HS6ST3: variants seen among roughly 807,000 people sequenced by gnomAD.
HS6ST3 encodes heparan sulfate 6-O-sulfotransferase 3, also known as heparan-sulfate 6-O-sulfotransferase 3.
A neutral mutation model predicts 36.7 loss-of-function variants in HS6ST3; 12 were observed. The observed-to-expected ratio is 0.33, with a 90% confidence interval of 0.21 to 0.53. The LOEUF (loss-of-function observed/expected upper bound fraction) is 0.53, where lower values mean the gene tolerates loss of function less well. Ranked by LOEUF, HS6ST3 falls within the 20% of genes least tolerant of loss-of-function variation. The pLI, the probability that HS6ST3 is intolerant of heterozygous loss-of-function variation, is 0.95. For synonymous variants in HS6ST3, 240 were observed against 257.5 expected (o/e 0.93, Z 0.65); for missense variants, 584 against 640.9 (o/e 0.91, Z 0.96).
intron 1 of HS6ST3, among the ~76,000 whole-genome samples, chr13:96,721,801 A>C (rs1050757896): frequency 6.6e-6 from 1 of 152,226 alleles, no homozygotes; most frequent in African/African-American, 2.4e-5. Flanking sequence ...AAGCTCATTA[A>C]AATTACTGCA....
chr13:96,458,653 A>T (rs2055766230), intron 1 of HS6ST3, among the ~76,000 whole-genome samples: 2 of 152,098 alleles, frequency 1.3e-5, no homozygotes, highest in South Asian at 2.1e-4. Context: ...AAAAAAAAAA[A>T]GAATGGTCTT....
chr13:96,199,298 C>A (rs1273942327), intron 1 of HS6ST3, among the ~76,000 whole-genome samples: 1 of 152,100 alleles, frequency 6.6e-6, no homozygotes, highest in African/African-American at 2.4e-5. Context: ...AGGGCTTTGG[C>A]AACATGCAAT....
chr13:96,272,264 C>G (rs567975504), intron 1 of HS6ST3, among the ~76,000 whole-genome samples: 1 of 152,074 alleles, frequency 6.6e-6, no homozygotes, highest in South Asian at 2.1e-4. Context: ...GTAGTGAGGT[C>G]TCTAGACTGG....
At chr13:96,623,323 G>A (rs1399427234) in intron 1 of HS6ST3, among the ~76,000 whole-genome samples, 2 of 152,084 alleles carry the variant, frequency 1.3e-5, no homozygotes, top group African/African-American at 4.8e-5. Context: ...CCCTGTGCTG[G>A]GGGGCACTGG....
intron 1 of HS6ST3, among the ~76,000 whole-genome samples, chr13:96,661,919 G>A (rs2056647762): frequency 6.6e-6 from 1 of 152,074 alleles, no homozygotes; most frequent in South Asian, 2.1e-4. Context: ...TTGAAAATAG[G>A]ATGCCAATTC....
chr13:96,098,312 C>T (rs1174960279), intron 1 of HS6ST3, among the ~76,000 whole-genome samples: 3 of 152,094 alleles, frequency 2.0e-5, no homozygotes, highest in African/African-American at 7.2e-5. Context: ...ATTAATATAA[C>T]CTCTGGTTTA....
At chr13:96,642,381 C>T (rs1469742100) in intron 1 of HS6ST3, among the ~76,000 whole-genome samples, 1 of 151,822 alleles carries the variant, frequency 6.6e-6, no homozygotes, top group Non-Finnish European at 1.5e-5. Flanking sequence ...TTGAATTTAT[C>T]ATACATGGAG....
At chr13:96,498,355 A>G (rs772825714) in intron 1 of HS6ST3, among the ~76,000 whole-genome samples, 50 of 152,134 alleles carry the variant, frequency 3.3e-4, no homozygotes, top group Non-Finnish European at 6.6e-4. Context: ...GGAGGTCAGA[A>G]AGACCTTGAG....
At chr13:96,807,127 C>T (rs142612761) in intron 1 of HS6ST3, among the ~76,000 whole-genome samples, 5 of 152,272 alleles carry the variant, frequency 3.3e-5, no homozygotes, top group African/African-American at 9.6e-5. Flanking sequence ...CTGAAGAATA[C>T]GGGAGCTGAA....
At chr13:96,265,901 G>T (rs2054689770) in intron 1 of HS6ST3, among the ~76,000 whole-genome samples, 1 of 152,120 alleles carries the variant, frequency 6.6e-6, no homozygotes, top group Admixed American at 6.5e-5. Flanking sequence ...AGTCTGTGAG[G>T]AATATTGGGT....
rs75317756 is a variant in HS6ST3 at position 96,322,400 on chromosome 13, A to C, written c.707+230831A>C. Among the ~76,000 whole-genome samples the C allele has an allele frequency of 7.3e-4, 103 of 140,590 alleles. 2 individuals carry two copies. Among genetic ancestry groups the C allele is most frequent in the African/African-American group, 2.6e-3 (99 of 37,768 alleles). 92.2% of individuals were successfully genotyped at this position (140,590 alleles called of 152,430 possible). A position where few individuals can be genotyped will look rare whatever the true frequency, so the allele number is the denominator to read the frequency against. ...TCTCTCCAGAAAAAAAAAAAAAAAA[A>C]ACAAGCATTATCCAGGTGTGGTGGT... On this transcript the variant is annotated intron_variant, in intron 1 of 1. Transcript: ENST00000376705.
intron 1 of HS6ST3, among the ~76,000 whole-genome samples, chr13:96,584,443 C>T (rs551052101): frequency 6.6e-6 from 1 of 152,268 alleles, no homozygotes; most frequent in Non-Finnish European, 1.5e-5. Flanking sequence ...CACACCTAGC[C>T]TCAACATCTC....
chr13:96,819,261 C>A (rs1370326022), intron 1 of HS6ST3, among the ~76,000 whole-genome samples: 1 of 152,136 alleles, frequency 6.6e-6, no homozygotes, highest in Non-Finnish European at 1.5e-5. Flanking sequence ...ACATCAGTGG[C>A]CACTGCCATC....
chr13:96,737,812 C>T (rs1223354632), intron 1 of HS6ST3, among the ~76,000 whole-genome samples: 6 of 152,038 alleles, frequency 3.9e-5, no homozygotes, highest in Non-Finnish European at 8.8e-5. Flanking sequence ...TCTTGCCTTT[C>T]CAGGTTCTAG....
intron 1 of HS6ST3, among the ~76,000 whole-genome samples, chr13:96,212,542 G>T (rs953763040): frequency 6.6e-6 from 1 of 152,092 alleles, no homozygotes; most frequent in Non-Finnish European, 1.5e-5. Context: ...AATGCATTCC[G>T]GTTTGAAAGT....
chr13:96,796,086 C>A (rs571520707), intron 1 of HS6ST3, among the ~76,000 whole-genome samples: 3 of 152,098 alleles, frequency 2.0e-5, no homozygotes, highest in Non-Finnish European at 4.4e-5. Flanking sequence ...ATGTCTGTTA[C>A]CTTTCAGAAG....
intron 1 of HS6ST3, among the ~76,000 whole-genome samples, chr13:96,253,859 A>T (rs890918759): frequency 1.3e-5 from 2 of 152,184 alleles, no homozygotes; most frequent in Non-Finnish European, 2.9e-5. Flanking sequence ...CCATTAATTT[A>T]TCTTGTCATT....
intron 1 of HS6ST3, among the ~76,000 whole-genome samples, chr13:96,325,575 A>T (rs1233741606): frequency 1.3e-5 from 2 of 152,162 alleles, no homozygotes; most frequent in Admixed American, 6.5e-5. Flanking sequence ...ATATGGAAGG[A>T]TGTGTGTAGA....
intron 1 of HS6ST3, among the ~76,000 whole-genome samples, chr13:96,284,965 T>TTC (rs1422452535): frequency 2.1e-5 from 3 of 144,152 alleles, no homozygotes; most frequent in African/African-American, 7.8e-5. Context: ...CTTTCTTTCT[T>TTC]TCTTTCTTTC....
Sources: allele counts gnomAD v4.1 joint callset (sites outside exome capture counted in the v4.1 genomes callset), GRCh38; gene constraint gnomAD v4.1.1; transcripts MANE v1.5; gene names NCBI Gene and HGNC (gene_info 2026-07-23, HGNC 2026-07-21).